The following CCSER1 variants were observed in gnomAD, a reference collection of about 807,000 sequenced individuals.
The protein encoded by CCSER1 is coiled-coil serine rich protein 1.
A neutral mutation model predicts 82.0 loss-of-function variants in CCSER1; 41 were observed. That is an observed-to-expected ratio of 0.50 (90% CI 0.39 to 0.65). The LOEUF is 0.65. CCSER1 is among the 30% of genes least tolerant of loss of function. CCSER1 has a pLI of 0.00. For missense variants in CCSER1, 1,119 were observed against 1,064.2 expected, an observed-to-expected ratio of 1.05 and a Z score of -0.72; for synonymous variants, 414 against 383.9, an observed-to-expected ratio of 1.08 and a Z score of -0.92.
intron 10 of CCSER1, among the ~76,000 whole-genome samples, chr4:91,565,701 G>A (rs1347742530): frequency 6.6e-6 from 1 of 152,020 alleles, no homozygotes; most frequent in Non-Finnish European, 1.5e-5. Flanking sequence ...CTCTCAGTTT[G>A]GCTGTTATTG....
chr4:90,700,755 G>T (rs1737916444), intron 6 of CCSER1, among the ~76,000 whole-genome samples: 2 of 152,138 alleles, frequency 1.3e-5, no homozygotes, highest in Admixed American at 1.3e-4. Flanking sequence ...ATGAGCATTT[G>T]TTCATGTGTC....
At chr4:91,081,970 TG>T (rs1320781120) in intron 9 of CCSER1, among the ~76,000 whole-genome samples, 2 of 152,084 alleles carry the variant, frequency 1.3e-5, no homozygotes, top group Non-Finnish European at 2.9e-5. Context: ...ATCAATATCG[TG>T]AAAATGGCCA....
At chr4:91,020,235 T>A (rs1025402738) in intron 9 of CCSER1, among the ~76,000 whole-genome samples, 4 of 152,218 alleles carry the variant, frequency 2.6e-5, no homozygotes, top group Non-Finnish European at 5.9e-5. Context: ...AACCTCAATG[T>A]CATAGATGTT....
chr4:90,809,311 TACACACACACACAC>T (rs56677479), intron 7 of CCSER1, among the ~76,000 whole-genome samples: 4,747 of 148,334 alleles, frequency 0.032, 146 homozygotes, highest in East Asian at 0.16. Context: ...AGCAAGATCA[TACACACACACACAC>T]ACACACACAC....
At chr4:91,519,267 C>A (rs939808297) in intron 10 of CCSER1, among the ~76,000 whole-genome samples, 2 of 152,176 alleles carry the variant, frequency 1.3e-5, no homozygotes, top group African/African-American at 4.8e-5. Flanking sequence ...TCACTCGGGA[C>A]TCTTCAGAGC....
intron 5 of CCSER1, among the ~76,000 whole-genome samples, chr4:90,509,269 G>T (rs938605735): frequency 3.9e-5 from 6 of 151,986 alleles, no homozygotes; most frequent in African/African-American, 1.2e-4. Flanking sequence ...CTTTTTAGAA[G>T]GTTTAGACAT....
intron 9 of CCSER1, among the ~76,000 whole-genome samples, chr4:91,078,844 A>G (rs970288415): frequency 6.6e-6 from 1 of 152,262 alleles, no homozygotes; most frequent in Admixed American, 6.5e-5. Flanking sequence ...ATTGAAGATC[A>G]AATGAATGAA....
At chr4:90,406,521 T>C (rs1049876587) in intron 4 of CCSER1, among the ~76,000 whole-genome samples, 2 of 152,128 alleles carry the variant, frequency 1.3e-5, no homozygotes, top group African/African-American at 4.8e-5. Context: ...TTAACAGATA[T>C]TTACAGAACA....
intron 1 of CCSER1, among the ~76,000 whole-genome samples, chr4:90,276,350 T>G (rs1455683457): frequency 7.8e-6 from 1 of 128,814 alleles, no homozygotes; most frequent in Non-Finnish European, 1.6e-5. Context: ...CTTTCTTTCT[T>G]TTTTTTTTTT....
intron 5 of CCSER1, among the ~76,000 whole-genome samples, chr4:90,573,867 T>C (rs1057176457): frequency 9.9e-5 from 15 of 152,192 alleles, no homozygotes; most frequent in Non-Finnish European, 1.8e-4. Context: ...AATTCATAGT[T>C]TATAAAACAC....
At chr4:91,580,172 C>A (rs143342986) in intron 10 of CCSER1, among the ~76,000 whole-genome samples, 190 of 151,958 alleles carry the variant, frequency 1.3e-3, no homozygotes, top group African/African-American at 4.5e-3. Context: ...CATATTCAAT[C>A]TTTCAGAATT....
chr4:91,116,379 A>T (rs1379785414), intron 10 of CCSER1, among the ~76,000 whole-genome samples: 1 of 152,192 alleles, frequency 6.6e-6, no homozygotes, highest in African/African-American at 2.4e-5. Context: ...TTAGTAAAAG[A>T]GTAACAGGAG....
intron 5 of CCSER1, among the ~76,000 whole-genome samples, chr4:90,473,897 C>T (rs980173105): frequency 1.3e-4 from 20 of 152,142 alleles, no homozygotes; most frequent in African/African-American, 4.8e-4. Context: ...ATAGGTAATT[C>T]TTCAGTGTCT....
intron 9 of CCSER1, among the ~76,000 whole-genome samples, chr4:90,949,899 A>G (rs1328333237): frequency 6.6e-6 from 1 of 152,120 alleles, no homozygotes; most frequent in Non-Finnish European, 1.5e-5. Context: ...GGATGAACAT[A>G]TAGAGGCCTA....
intron 5 of CCSER1, among the ~76,000 whole-genome samples, chr4:90,549,696 A>G (rs1340109746): frequency 1.3e-5 from 2 of 152,100 alleles, no homozygotes; most frequent in Non-Finnish European, 2.9e-5. Context: ...AATAAGGACT[A>G]TAAGCCTTAC....
At chr4:90,310,200 T>C (rs1020350922) in intron 2 of CCSER1, among the ~76,000 whole-genome samples, 4 of 152,144 alleles carry the variant, frequency 2.6e-5, no homozygotes, top group Non-Finnish European at 5.9e-5. Flanking sequence ...AGGTTTCAAC[T>C]CTGCCTCTGA....
At chr4:90,932,984 GAA>G (rs1249527585) in intron 9 of CCSER1, among the ~76,000 whole-genome samples, 267 of 20,528 alleles carry the variant, frequency 0.013, 62 homozygotes, top group Non-Finnish European at 0.021. Flanking sequence ...GAAAGAAAGA[GAA>G]AGAAAGAAAG....
intron 10 of CCSER1, among the ~76,000 whole-genome samples, chr4:91,287,074 TG>T (rs1427488409): frequency 6.6e-6 from 1 of 151,856 alleles, no homozygotes; most frequent in Non-Finnish European, 1.5e-5. Flanking sequence ...ATAGCACAAA[TG>T]GGACTGAAAT....
chr4:91,442,022 A>G (rs539756174), intron 10 of CCSER1, among the ~76,000 whole-genome samples: 89 of 152,340 alleles, frequency 5.8e-4, no homozygotes, highest in Non-Finnish European at 9.7e-4. Context: ...GGAAGAATCA[A>G]TATCATGAAA....
Sources: gnomAD v4.1 joint callset for allele counts (sites outside exome capture counted in the v4.1 genomes callset) on GRCh38, gnomAD v4.1.1 for gene constraint, MANE v1.5 for transcripts, NCBI Gene and HGNC (gene_info 2026-07-23, HGNC 2026-07-21) for gene names.